The following GPHN variants were observed in gnomAD, a reference collection of about 807,000 sequenced individuals.
GPHN encodes the protein gephyrin.
In GPHN, 17 loss-of-function variants were observed where a neutral mutation model predicts 95.5. The ratio of observed to expected loss-of-function variants is 0.18; its 90% confidence interval spans 0.12 to 0.27. The LOEUF (loss-of-function observed/expected upper bound fraction) is 0.27, where lower values mean the gene tolerates loss of function less well. Ranked by LOEUF, GPHN falls within the 10% of genes least tolerant of loss-of-function variation. The pLI is 1.00. For missense variants in GPHN, 660 were observed against 978.1 expected (o/e 0.67, Z 4.34); for synonymous variants, 320 against 322.5 (o/e 0.99, Z 0.08).
At chr14:67,685,092 A>C in the GPHN span, 1 of 1,614,018 alleles carries the variant, frequency 6.2e-7, no homozygotes, top group South Asian at 1.1e-5. Flanking sequence ...CCTGCTGAGG[A>C]GTCTTGATGA....
chr14:67,302,416 A>G, the GPHN span: 8 of 1,583,526 alleles, frequency 5.1e-6, no homozygotes, highest in African/African-American at 1.4e-5. Context: ...TTAGGGTGCT[A>G]CAGTTCGTAA....
At chr14:66,639,060 T>G (rs2064253003) in intron 1 of GPHN, among the ~76,000 whole-genome samples, 1 of 151,750 alleles carries the variant, frequency 6.6e-6, no homozygotes, top group African/African-American at 2.4e-5. Context: ...TCTTTAATCT[T>G]TTATGATTTC....
At chr14:67,646,346 G>T in the GPHN span, 1 of 364,062 alleles carries the variant, frequency 2.7e-6, no homozygotes, top group Non-Finnish European at 5.0e-6. Flanking sequence ...ATGTGCAATG[G>T]GATAGAAAAG....
the GPHN span, among the ~76,000 whole-genome samples, chr14:67,605,766 T>TCA: frequency 6.6e-6 from 1 of 152,122 alleles, no homozygotes; most frequent in African/African-American, 2.4e-5. Context: ...CACTGCAACC[T>TCA]CTGCCTCCTG....
At chr14:67,068,656 GCT>G (rs145493026) in intron 11 of GPHN, among the ~76,000 whole-genome samples, 1,834 of 152,164 alleles carry the variant, frequency 0.012, 18 homozygotes, top group Non-Finnish European at 0.018. Flanking sequence ...TAAGCTGTAA[GCT>G]TTTTTATTTA....
the GPHN span, among the ~76,000 whole-genome samples, chr14:67,704,640 G>C: frequency 6.6e-6 from 1 of 152,142 alleles, no homozygotes; most frequent in Non-Finnish European, 1.5e-5. Flanking sequence ...ACAAGTTATG[G>C]AGTAGAGTAA....
At chr14:67,514,215 C>T in the GPHN span, among the ~76,000 whole-genome samples, 3 of 152,294 alleles carry the variant, frequency 2.0e-5, no homozygotes, top group African/African-American at 7.2e-5. Flanking sequence ...AGCTCTGTAC[C>T]TAAGGCAGCC....
the GPHN span, among the ~76,000 whole-genome samples, chr14:67,193,180 A>G: frequency 7.1e-6 from 1 of 140,192 alleles, no homozygotes; most frequent in African/African-American, 2.6e-5. Context: ...ATATATCTCT[A>G]TATAGACATC....
intron 1 of GPHN, among the ~76,000 whole-genome samples, chr14:66,623,124 A>G (rs1353768048): frequency 2.0e-5 from 3 of 152,202 alleles, no homozygotes; most frequent in African/African-American, 7.2e-5. Context: ...GGCAGAAGGC[A>G]AAGAGGAGCT....
At chr14:67,212,625 T>TA in the GPHN span, among the ~76,000 whole-genome samples, 3 of 145,126 alleles carry the variant, frequency 2.1e-5, no homozygotes, top group South Asian at 4.2e-4. Flanking sequence ...GTAATATATA[T>TA]TATATATAAT....
chr14:66,563,078 C>T (rs117241262), intron 1 of GPHN, among the ~76,000 whole-genome samples: 2,021 of 152,138 alleles, frequency 0.013, 21 homozygotes, highest in Middle Eastern at 0.02. Context: ...ATTTAAAATT[C>T]ATTTTCTCCT....
intron 1 of GPHN, among the ~76,000 whole-genome samples, chr14:66,648,145 T>C (rs1028024975): frequency 6.6e-6 from 1 of 152,206 alleles, no homozygotes; most frequent in African/African-American, 2.4e-5. Context: ...AGATATTCTA[T>C]AGTGCTTTGA....
At chr14:67,080,670 C>CT in intron 11 of GPHN, among the ~76,000 whole-genome samples, 1 of 152,020 alleles carries the variant, frequency 6.6e-6, no homozygotes, top group South Asian at 2.1e-4. Context: ...TGAGTAAGTT[C>CT]TTTAGTGGTG....
At chr14:67,579,280 T>C in the GPHN span, 14 of 1,576,252 alleles carry the variant, frequency 8.9e-6, no homozygotes, top group Non-Finnish European at 1.1e-5. Context: ...CCCTTCAGCA[T>C]CCCCGTGCAC....
chr14:67,484,753 A>T, the GPHN span, among the ~76,000 whole-genome samples: 8 of 152,134 alleles, frequency 5.3e-5, no homozygotes, highest in African/African-American at 1.9e-4. Flanking sequence ...GTGAGACCTC[A>T]TTTCTAATAA....
chr14:67,534,068 C>T, the GPHN span, among the ~76,000 whole-genome samples: 1 of 152,138 alleles, frequency 6.6e-6, no homozygotes, highest in South Asian at 2.1e-4. Flanking sequence ...TCTTCCAAGA[C>T]AGAGCCTTGG....
rs2060029789 is a variant in GPHN, at chr14:66,793,041, G to C, written c.201+16520G>C. Among the ~76,000 whole-genome samples the C allele has an allele frequency of 4.6e-5, 7 of 152,252 alleles. No homozygotes were observed. In the South Asian group the frequency reaches 1.4e-3, roughly 31 times the overall value. ...TTAAGCGGTTTTCCGCCCTGGGCGG[G>C]CCAGGTGTTCCTTGCCCTCATTCCC... On this transcript the variant is annotated intron_variant, in intron 3 of 22. Transcript: ENST00000478722.
chr14:67,208,303 AC>A, the GPHN span: 1 of 1,613,982 alleles, frequency 6.2e-7, no homozygotes, highest in Non-Finnish European at 8.5e-7. Flanking sequence ...CAAACATAAC[AC>A]TGACTTTTGA....
chr14:66,786,478 A>G (rs1196141622), intron 3 of GPHN, among the ~76,000 whole-genome samples: 12 of 152,096 alleles, frequency 7.9e-5, no homozygotes, highest in Non-Finnish European at 5.9e-5. Flanking sequence ...AAGAATTATC[A>G]TCAGTTTTAG....
Sources: allele counts gnomAD v4.1 joint callset (sites outside exome capture counted in the v4.1 genomes callset), GRCh38; gene constraint gnomAD v4.1.1; transcripts MANE v1.5; gene names NCBI Gene and HGNC (gene_info 2026-07-23, HGNC 2026-07-21).